Variants in SPAST observed in about 807,000 individuals in gnomAD.
The protein encoded by SPAST is spastin, also known as spastic paraplegia 4 (autosomal dominant; spastin).
In SPAST, 30 loss-of-function variants were observed where a neutral mutation model predicts 76.6. That is an observed-to-expected ratio of 0.39 (90% CI 0.29 to 0.53). The LOEUF is 0.53. Among genes scored for constraint, SPAST ranks in the 20% least tolerant of loss-of-function variants. The pLI is 0.68. For synonymous variants in SPAST, 305 were observed against 281.0 expected (o/e 1.09, Z -0.86); for missense variants, 717 against 770.5 (o/e 0.93, Z 0.82).
chr2:32,099,356 TAGTG>T (rs1678034597), intron 4 of SPAST, among the ~76,000 whole-genome samples: 1 of 152,138 alleles, frequency 6.6e-6, no homozygotes, highest in African/African-American at 2.4e-5. Context: ...AAACTTCACA[TAGTG>T]AGGAGAAACA....
chr2:32,106,491 A>T (rs1678326310), intron 4 of SPAST, among the ~76,000 whole-genome samples: 1 of 152,206 alleles, frequency 6.6e-6, no homozygotes, highest in Admixed American at 6.5e-5. Context: ...AGATGAACCC[A>T]GTTCCTCAGT....
chr2:32,093,243 G>A (rs1333752441), intron 3 of SPAST, among the ~76,000 whole-genome samples: 7 of 148,538 alleles, frequency 4.7e-5, no homozygotes, highest in Non-Finnish European at 7.4e-5. Flanking sequence ...CCCGGGAGGC[G>A]GAGCTTGCAG....
intron 7 of SPAST, among the ~76,000 whole-genome samples, chr2:32,118,306 C>G (rs1024484967): frequency 6.6e-6 from 1 of 152,076 alleles, no homozygotes. Context: ...CTAGAACTTA[C>G]TGAATATTTT....
chr2:32,088,221 CAG>C (rs1033930701), intron 2 of SPAST, among the ~76,000 whole-genome samples: 16 of 151,908 alleles, frequency 1.1e-4, no homozygotes, highest in African/African-American at 3.9e-4. Flanking sequence ...TTTGTAGAGA[CAG>C]GGTCTCACTG....
chr2:32,103,491 T>C (rs1678203328), intron 4 of SPAST, among the ~76,000 whole-genome samples: 1 of 152,212 alleles, frequency 6.6e-6, no homozygotes, highest in Non-Finnish European at 1.5e-5. Context: ...ATCTTAGTTA[T>C]TTCTTGCCTT....
intron 1 of SPAST, among the ~76,000 whole-genome samples, chr2:32,074,501 T>C (rs1676872942): frequency 6.7e-6 from 1 of 149,570 alleles, no homozygotes; most frequent in East Asian, 2.0e-4. Flanking sequence ...TTTCTCAGCT[T>C]TTTTTTTTGT....
chr2:32,147,867 G>A (rs1048561063), intron 16 of SPAST, among the ~76,000 whole-genome samples: 36 of 150,726 alleles, frequency 2.4e-4, no homozygotes, highest in African/African-American at 8.8e-4. Context: ...TCCTGATCTC[G>A]TGATCTGCCT....
At chr2:32,130,916 T>C in intron 9 of SPAST, among the ~76,000 whole-genome samples, 1 of 152,196 alleles carries the variant, frequency 6.6e-6, no homozygotes. Context: ...ATTGTCTAGC[T>C]GCTATGAACA....
At position 32,128,395 on chromosome 2, in the gene SPAST, G is replaced by T. The variant is rs1338496689; in HGVS notation, c.1174-13G>T. 1 of 1,586,740 alleles carries T rather than the reference G, an allele frequency of 6.3e-7. No homozygotes were observed. Among genetic ancestry groups the T allele is most frequent in the Admixed American group, 1.7e-5 (1 of 59,982 alleles). On this transcript the variant is annotated splice_polypyrimidine_tract_variant and intron_variant, in intron 8 of 16. Coordinates refer to ENST00000315285, the MANE Select transcript of SPAST (RefSeq NM_014946.4). ...TTGAACTAATTTAATATTTGCTCTT[G>T]TGATTTTTAAAGGCTAAAGCAGTAG... is the stretch of plus-strand genomic sequence containing the variant.
At chr2:32,082,981 T>G (rs920768761) in intron 1 of SPAST, among the ~76,000 whole-genome samples, 1 of 151,548 alleles carries the variant, frequency 6.6e-6, no homozygotes, top group Non-Finnish European at 1.5e-5. Context: ...ATTAATTAAT[T>G]TTTTTTTTGA....
At position 32,070,086 on chromosome 2, in the gene SPAST, A is replaced by G. The variant is rs1318814689; in HGVS notation, c.415+5840A>G. Reference sequence around the variant, plus strand: ...AAAAAAAATTTTTTTTTTTTTTTGTAATGGAGTCTTGCTCTGTCACCCACG... The same window carrying G: ...AAAAAAAATTTTTTTTTTTTTTTGTGATGGAGTCTTGCTCTGTCACCCACG... On this transcript the variant is annotated intron_variant, in intron 1 of 16. Coordinates refer to ENST00000315285, the MANE Select transcript of SPAST (RefSeq NM_014946.4). Among the ~76,000 whole-genome samples the G allele has an allele frequency of 2.9e-5, 4 of 135,718 alleles. No homozygotes were observed. In the Admixed American group the frequency reaches 3.0e-4, roughly 10 times the overall value. The allele number at this position is 135,718 out of a possible 152,430, so 89.0% of individuals were successfully genotyped here.
At chr2:32,124,885 A>G (rs1679140934) in intron 7 of SPAST, among the ~76,000 whole-genome samples, 1 of 152,234 alleles carries the variant, frequency 6.6e-6, no homozygotes, top group Admixed American at 6.5e-5. Context: ...CAAGGGAGAC[A>G]GGGAGAGATG....
At chr2:32,146,747 C>G (rs1008039090) in intron 15 of SPAST, among the ~76,000 whole-genome samples, 2 of 150,546 alleles carry the variant, frequency 1.3e-5, no homozygotes, top group African/African-American at 4.9e-5. Context: ...CACCTGTAAT[C>G]CCAGCTACTC....
chr2:32,099,881 T>C (rs923096338), intron 4 of SPAST, among the ~76,000 whole-genome samples: 3 of 152,180 alleles, frequency 2.0e-5, no homozygotes, highest in Non-Finnish European at 4.4e-5. Flanking sequence ...TCTGTGTGTA[T>C]ATATACCACA....
intron 16 of SPAST, among the ~76,000 whole-genome samples, chr2:32,147,923 G>A (rs112089209): frequency 0.057 from 8,125 of 142,652 alleles, 235 homozygotes; most frequent in East Asian, 0.088. Flanking sequence ...GAGCCACTGC[G>A]CCCGGCCTTT....
At chr2:32,148,315 T>C (rs546726702) in intron 16 of SPAST, among the ~76,000 whole-genome samples, 1 of 152,290 alleles carries the variant, frequency 6.6e-6, no homozygotes, top group African/African-American at 2.4e-5. Flanking sequence ...TTTTTGGTAA[T>C]AGACAAAACA....
At chr2:32,065,554 T>C (rs531892211) in intron 1 of SPAST, among the ~76,000 whole-genome samples, 23 of 152,198 alleles carry the variant, frequency 1.5e-4, no homozygotes, top group Admixed American at 1.1e-3. Context: ...ATGAAATTTC[T>C]TTTATGGAAA....
chr2:32,066,623 G>A (rs942988776), intron 1 of SPAST, among the ~76,000 whole-genome samples: 2 of 151,798 alleles, frequency 1.3e-5, no homozygotes, highest in African/African-American at 2.4e-5. Flanking sequence ...AGCCGAGATC[G>A]TGCCACTACA....
intron 7 of SPAST, among the ~76,000 whole-genome samples, chr2:32,121,985 C>G (rs1332353791): frequency 6.6e-6 from 1 of 152,176 alleles, no homozygotes; most frequent in African/African-American, 2.4e-5. Context: ...GGAAGCTTCT[C>G]TCAAATGTCT....
Sources: allele counts gnomAD v4.1 joint callset (sites outside exome capture counted in the v4.1 genomes callset), GRCh38; gene constraint gnomAD v4.1.1; transcripts MANE v1.5; gene names NCBI Gene and HGNC (gene_info 2026-07-23, HGNC 2026-07-21).